Variants in AUTS2 observed in about 807,000 individuals in gnomAD.
AUTS2 encodes autism susceptibility gene 2 protein.
A neutral mutation model predicts 112.4 loss-of-function variants in AUTS2; 17 were observed. That is an observed-to-expected ratio of 0.15 (90% CI 0.10 to 0.23). The LOEUF (loss-of-function observed/expected upper bound fraction) is 0.23. AUTS2 is among the 10% of genes least tolerant of loss of function. The pLI is 1.00. For missense variants in AUTS2, 1,510 were observed against 1,701.6 expected, an observed-to-expected ratio of 0.89 and a Z score of 1.98; for synonymous variants, 751 against 702.7, an observed-to-expected ratio of 1.07 and a Z score of -1.09.
intron 1 of AUTS2, among the ~76,000 whole-genome samples, chr7:69,774,647 AT>A (rs1788816560): frequency 2.6e-5 from 4 of 152,194 alleles, no homozygotes; most frequent in Non-Finnish European, 5.9e-5. Context: ...CATGAGGGAA[AT>A]TTTTGAGGTG....
At chr7:70,540,447 C>T (rs1585275462) in intron 5 of AUTS2, among the ~76,000 whole-genome samples, 2 of 152,280 alleles carry the variant, frequency 1.3e-5, no homozygotes, top group South Asian at 2.1e-4. Flanking sequence ...ACCCCAGCTA[C>T]CATTGTAGCT....
At chr7:70,649,495 ATTTAT>A (rs1233978169) in intron 5 of AUTS2, among the ~76,000 whole-genome samples, 2 of 140,358 alleles carry the variant, frequency 1.4e-5, no homozygotes, top group Non-Finnish European at 3.1e-5. Flanking sequence ...CCCAGTGGTG[ATTTAT>A]TTTATTTATT....
At chr7:69,974,251 G>A (rs545120144) in intron 2 of AUTS2, among the ~76,000 whole-genome samples, 1 of 150,488 alleles carries the variant, frequency 6.6e-6, no homozygotes, top group African/African-American at 2.4e-5. Context: ...ACTTCTTGAT[G>A]TCTGTATAGT....
intron 5 of AUTS2, among the ~76,000 whole-genome samples, chr7:70,606,555 A>G (rs1031563938): frequency 6.6e-6 from 1 of 152,100 alleles, no homozygotes; most frequent in Non-Finnish European, 1.5e-5. Context: ...CAAAATCTTC[A>G]ATTACTGTAA....
In AUTS2 at chr7:70,500,265, C is replaced by T. The variant is rs144867409; in HGVS notation, c.690+64484C>T. Among the ~76,000 whole-genome samples the T allele has an allele frequency of 1.7e-4, 26 of 152,224 alleles. No individual in the cohort carries two copies. In the East Asian group the frequency reaches 4.4e-3, roughly 26 times the overall value. On this transcript the variant is annotated intron_variant, in intron 5 of 18. Coordinates refer to ENST00000342771, the MANE Select transcript of AUTS2 (RefSeq NM_015570.4). ...TGCCTTCTCTGGCCCCTCTCCCGTCCTGTTCTTGGAAAAGCAGCCTACTTT... is the reference window on the plus strand; with the variant it reads ...TGCCTTCTCTGGCCCCTCTCCCGTCTTGTTCTTGGAAAAGCAGCCTACTTT...
intron 5 of AUTS2, among the ~76,000 whole-genome samples, chr7:70,524,946 G>A (rs1395814011): frequency 2.0e-5 from 3 of 152,154 alleles, no homozygotes; most frequent in South Asian, 2.1e-4. Context: ...AGGTGGGGAA[G>A]GATCTAATAA....
chr7:70,121,894 G>A (rs567932019), intron 3 of AUTS2, among the ~76,000 whole-genome samples: 1 of 152,266 alleles, frequency 6.6e-6, no homozygotes, highest in South Asian at 2.1e-4. Flanking sequence ...GTTCACTGCA[G>A]CATTATTTAT....
At chr7:70,685,787 C>T (rs1808446463) in intron 5 of AUTS2, among the ~76,000 whole-genome samples, 2 of 152,144 alleles carry the variant, frequency 1.3e-5, no homozygotes, top group South Asian at 2.1e-4. Context: ...CTGGAAAACG[C>T]GATCAGTTCA....
At chr7:70,657,225 C>A (rs1806818161) in intron 5 of AUTS2, among the ~76,000 whole-genome samples, 1 of 152,128 alleles carries the variant, frequency 6.6e-6, no homozygotes, top group Non-Finnish European at 1.5e-5. Flanking sequence ...AACCCGCCGT[C>A]TTAATGTCTG....
intron 2 of AUTS2, among the ~76,000 whole-genome samples, chr7:69,926,819 A>G (rs1033813733): frequency 6.8e-6 from 1 of 146,862 alleles, no homozygotes; most frequent in South Asian, 2.1e-4. Flanking sequence ...AAGATATATA[A>G]GATATATAGT....
At chr7:70,254,371 T>A (rs1011621594) in intron 4 of AUTS2, among the ~76,000 whole-genome samples, 4 of 152,178 alleles carry the variant, frequency 2.6e-5, no homozygotes, top group Non-Finnish European at 5.9e-5. Flanking sequence ...ATTCCAACCC[T>A]TCTTAAGTGG....
intron 1 of AUTS2, among the ~76,000 whole-genome samples, chr7:69,780,100 C>G (rs1211191177): frequency 6.6e-6 from 1 of 152,126 alleles, no homozygotes; most frequent in Admixed American, 6.6e-5. Flanking sequence ...AAGTGATCCT[C>G]CCACTTTGGC....
intron 3 of AUTS2, among the ~76,000 whole-genome samples, chr7:70,126,763 T>C (rs1805993932): frequency 6.6e-6 from 1 of 152,184 alleles, no homozygotes. Context: ...CAGGCCAAGA[T>C]TTAATAGAAG....
intron 4 of AUTS2, among the ~76,000 whole-genome samples, chr7:70,427,093 A>G (rs375603526): frequency 6.6e-6 from 1 of 152,230 alleles, no homozygotes; most frequent in Non-Finnish European, 1.5e-5. Flanking sequence ...CAAAGCACAC[A>G]GGCAAAGATG....
chr7:70,270,028 G>C (rs1262432588), intron 4 of AUTS2, among the ~76,000 whole-genome samples: 1 of 151,936 alleles, frequency 6.6e-6, no homozygotes. Context: ...GACAGAGCGG[G>C]ACCTTGTCTC....
chr7:70,110,218 T>C (rs1348310674), intron 2 of AUTS2, among the ~76,000 whole-genome samples: 1 of 152,350 alleles, frequency 6.6e-6, no homozygotes, highest in East Asian at 1.9e-4. Flanking sequence ...TTATTTTCCT[T>C]TTTAAATTTT....
chr7:69,690,075 G>A (rs951330527), intron 1 of AUTS2, among the ~76,000 whole-genome samples: 2 of 152,194 alleles, frequency 1.3e-5, no homozygotes, highest in Admixed American at 1.3e-4. Flanking sequence ...AGCTTTGTAA[G>A]GGGAGATATT....
intron 1 of AUTS2, among the ~76,000 whole-genome samples, chr7:69,713,277 C>G (rs749029038): frequency 6.6e-6 from 1 of 152,028 alleles, no homozygotes; most frequent in Admixed American, 6.6e-5. Context: ...CAATATACAA[C>G]CCATCTTTGG....
intron 2 of AUTS2, among the ~76,000 whole-genome samples, chr7:70,030,623 T>C (rs1800732514): frequency 6.6e-6 from 1 of 152,188 alleles, no homozygotes; most frequent in African/African-American, 2.4e-5. Context: ...CCTTCTCTTA[T>C]ACTTAATAAA....
Sources: gnomAD v4.1 joint callset for allele counts (sites outside exome capture counted in the v4.1 genomes callset) on GRCh38, gnomAD v4.1.1 for gene constraint, MANE v1.5 for transcripts, NCBI Gene and HGNC (gene_info 2026-07-23, HGNC 2026-07-21) for gene names.